NBEA: variants seen among roughly 807,000 people sequenced by gnomAD.
NBEA encodes the protein neurobeachin.
A neutral mutation model predicts 343.4 loss-of-function variants in NBEA; 44 were observed. That is an observed-to-expected ratio of 0.13 (90% CI 0.10 to 0.16). The LOEUF is 0.16. Among genes scored for constraint, NBEA ranks in the 10% least tolerant of loss-of-function variants. The probability of loss-of-function intolerance (pLI) is 1.00; values close to 1 mark genes in which losing one functional copy is unlikely to be tolerated. For missense variants in NBEA, 2,555 were observed against 3,631.3 expected (o/e 0.70, Z 7.62); for synonymous variants, 1,175 against 1,238.7 (o/e 0.95, Z 1.08).
At chr13:35,061,353 A>T (rs936385049) in intron 8 of NBEA, among the ~76,000 whole-genome samples, 8 of 151,780 alleles carry the variant, frequency 5.3e-5, no homozygotes, top group Non-Finnish European at 1.2e-4. Context: ...AATACTGAAA[A>T]TCTCACTGTA....
chr13:35,159,797 A>G lies in NBEA; in HGVS notation c.3626A>G (p.Lys1209Arg), dbSNP rs1268631711. ...TSSIIEEKEF[K>R]IHTTSDGMSS... ...AGTATAATAGAAGAAAAAGAATTCA[A>G]AATCCATACAACTTCAGATGGAATG... The change falls in exon 22 of 59, where the codon AAA becomes AGA. Residue 1209 changes from lysine (K) to arginine (R), a missense_variant. Physicochemically the swap from Lys to Arg is conservative, Grantham distance 26. Coordinates refer to ENST00000379939, the MANE Select transcript of NBEA (RefSeq NM_001385012.1). The G allele has an allele frequency of 1.2e-6, 2 of 1,612,074 alleles. No individual in the cohort carries two copies. The highest frequency in any genetic ancestry group is 1.7e-6 in the Non-Finnish European group (2 of 1,179,022).
intron 1 of NBEA, among the ~76,000 whole-genome samples, chr13:34,986,057 T>C (rs571986808): frequency 6.6e-6 from 1 of 150,778 alleles, no homozygotes; most frequent in African/African-American, 2.4e-5. Context: ...CTGATCTTAG[T>C]TATTTCTTCC....
At chr13:35,032,053 A>T (rs1013251529) in intron 1 of NBEA, among the ~76,000 whole-genome samples, 5 of 151,728 alleles carry the variant, frequency 3.3e-5, no homozygotes, top group Non-Finnish European at 7.4e-5. Context: ...TCTGTCATTG[A>T]TGGGCATTTA....
In NBEA at chr13:35,584,015, A is replaced by G. The variant is rs765129731; in HGVS notation, c.7153A>G (p.Thr2385Ala). The change falls in exon 46 of 59, where the codon ACT becomes GCT. Residue 2385 changes from threonine (T) to alanine (A), a missense_variant. Physicochemically the swap from Thr to Ala is moderately conservative, Grantham distance 58. Coordinates refer to ENST00000379939, the MANE Select transcript of NBEA (RefSeq NM_001385012.1). Reference protein sequence around the residue: ...YNTHYSTATSTLSWLVRIEPF... With the variant: ...YNTHYSTATSALSWLVRIEPF... ...TACCCATTATTCAACAGCAACATCT[A>G]CTTTATCCTGGCTTGTTCGAATTGT... 2 of 1,613,672 alleles carry G rather than the reference A, an allele frequency of 1.2e-6. No homozygotes were observed. The highest frequency in any genetic ancestry group is 1.7e-5 in the Admixed American group (1 of 60,004).
intron 47 of NBEA, among the ~76,000 whole-genome samples, chr13:35,597,764 G>A (rs560057581): frequency 2.1e-4 from 32 of 152,190 alleles, no homozygotes; most frequent in Non-Finnish European, 4.0e-4. Flanking sequence ...GAGCTGCAAG[G>A]CCACTTCATG....
At chr13:35,438,027 C>T (rs1178215567) in intron 39 of NBEA, among the ~76,000 whole-genome samples, 1 of 151,998 alleles carries the variant, frequency 6.6e-6, no homozygotes, top group African/African-American at 2.4e-5. Flanking sequence ...CCTAAGACTG[C>T]AAGCACCTCC....
At chr13:35,020,827 A>G (rs1165533377) in intron 1 of NBEA, among the ~76,000 whole-genome samples, 1 of 151,982 alleles carries the variant, frequency 6.6e-6, no homozygotes, top group Non-Finnish European at 1.5e-5. Context: ...CAAATCTTCT[A>G]TATTCTTATT....
At chr13:35,428,443 C>G (rs143660550) in intron 38 of NBEA, among the ~76,000 whole-genome samples, 11 of 152,316 alleles carry the variant, frequency 7.2e-5, no homozygotes, top group African/African-American at 2.4e-4. Context: ...TGCATAATTT[C>G]TATTATCCTG....
At position 35,161,800 on chromosome 13, in the gene NBEA, T is replaced by C; in HGVS notation, c.3912T>C (p.Asp1304=). 1 of 1,612,434 alleles carries C rather than the reference T, an allele frequency of 6.2e-7. No homozygotes were observed. The highest frequency in any genetic ancestry group is 1.3e-5 in the African/African-American group (1 of 74,954). Residue 1304 remains aspartate (D), a synonymous_variant, in exon 23 of 59, where the codon GAT becomes GAC. Coordinates refer to ENST00000379939, the MANE Select transcript of NBEA (RefSeq NM_001385012.1). ...AACAAGACCGAGATCTCCGAGTTGA[T>C]TTAGGATTTCGAGGAATGCCAATGA... The part of the protein sequence containing the change: ...ITQQDRDLRV[D]LGFRGMPMTE...
At chr13:35,161,215 G>T (rs915961749) in intron 22 of NBEA, among the ~76,000 whole-genome samples, 2 of 152,044 alleles carry the variant, frequency 1.3e-5, no homozygotes, top group African/African-American at 4.8e-5. Flanking sequence ...AGGCTTGCCT[G>T]TTTTTCATTT....
chr13:35,548,006 T>G (rs2079141980), intron 41 of NBEA, among the ~76,000 whole-genome samples: 1 of 152,052 alleles, frequency 6.6e-6, no homozygotes, highest in Non-Finnish European at 1.5e-5. Flanking sequence ...GGTCACTGGG[T>G]GCTGGGAGCA....
chr13:34,999,922 A>G (rs1249319512), intron 1 of NBEA, among the ~76,000 whole-genome samples: 3 of 152,170 alleles, frequency 2.0e-5, no homozygotes, highest in Non-Finnish European at 4.4e-5. Context: ...AATCAGAACA[A>G]TGGAAACTAA....
At chr13:35,496,712 A>G (rs912906897) in intron 41 of NBEA, among the ~76,000 whole-genome samples, 3 of 151,876 alleles carry the variant, frequency 2.0e-5, no homozygotes, top group Non-Finnish European at 4.4e-5. Context: ...TTCTTCTAGC[A>G]AGGATAAGTT....
At chr13:35,640,991 A>T (rs548009464) in intron 49 of NBEA, among the ~76,000 whole-genome samples, 1 of 152,192 alleles carries the variant, frequency 6.6e-6, no homozygotes, top group South Asian at 2.1e-4. Flanking sequence ...TTCAGCAAAC[A>T]ATTTTATAAT....
In NBEA at chr13:35,029,297, A is replaced by G. The variant is rs188654536; in HGVS notation, c.295-11636A>G. On this transcript the variant is annotated intron_variant, in intron 1 of 58. Transcript: ENST00000379939. The stretch of plus-strand genomic sequence containing the variant: ...TGTGGATGGCTGTAATGGGAGTCCA[A>G]GAAAAACCATCTTTGTGGGTACTGG... 4.6e-5 allele frequency among the ~76,000 whole-genome samples: 7 copies of G among 151,500 alleles called. No homozygotes were observed. The East Asian group carries it at 7.7e-4, about 17-fold the overall frequency.
At chr13:35,352,046 T>G (rs1023742461) in intron 37 of NBEA, 111 bp from the exon 38 acceptor site, 4 of 531,380 alleles carry the variant, frequency 7.5e-6, no homozygotes, top group Non-Finnish European at 5.8e-6. Context: ...GATTACATTA[T>G]TTGAGTTTTA....
chr13:35,502,334 A>G (rs571695274), intron 41 of NBEA, among the ~76,000 whole-genome samples: 26 of 152,218 alleles, frequency 1.7e-4, no homozygotes, highest in Admixed American at 7.2e-4. Context: ...TTGTGCTGGT[A>G]ATATATTAGG....
intron 33 of NBEA, among the ~76,000 whole-genome samples, chr13:35,221,922 G>T (rs963406300): frequency 6.6e-6 from 1 of 152,120 alleles, no homozygotes; most frequent in Non-Finnish European, 1.5e-5. Context: ...AATCATCTTA[G>T]AGTTTCTTCT....
intron 34 of NBEA, among the ~76,000 whole-genome samples, chr13:35,245,474 G>C (rs977827906): frequency 2.0e-5 from 3 of 152,070 alleles, no homozygotes; most frequent in African/African-American, 7.2e-5. Context: ...TTGTTTTGCT[G>C]TCTTGGTAGT....
Sources: gnomAD v4.1 joint callset for allele counts (sites outside exome capture counted in the v4.1 genomes callset) on GRCh38, gnomAD v4.1.1 for gene constraint, MANE v1.5 for transcripts, NCBI Gene and HGNC (gene_info 2026-07-23, HGNC 2026-07-21) for gene names.